The following ANO5 variants were observed in gnomAD, a reference collection of about 807,000 sequenced individuals.
ANO5 encodes anoctamin 5.
A neutral mutation model predicts 121.0 loss-of-function variants in ANO5; 109 were observed. That is an observed-to-expected ratio of 0.90 (90% confidence interval 0.77 to 1.06). The LOEUF (loss-of-function observed/expected upper bound fraction) is 1.06, where lower values mean the gene tolerates loss of function less well. Among genes scored for constraint, ANO5 ranks in the 50% least tolerant of loss-of-function variants. ANO5 has a pLI of 0.00. For missense variants in ANO5, 1,064 were observed against 1,078.5 expected (o/e 0.99, Z 0.19); for synonymous variants, 406 against 359.9 (o/e 1.13, Z -1.45).
chr11:22,247,293 C>A (rs1191350227), intron 9 of ANO5, among the ~76,000 whole-genome samples: 1 of 151,948 alleles, frequency 6.6e-6, no homozygotes, highest in East Asian at 1.9e-4. Flanking sequence ...TCACCAGGAA[C>A]AAAATCCTGA....
rs770803394 is a variant in ANO5, at chr11:22,226,016, A to G, written c.327A>G (p.Arg109=). ...ERRKEFETNL[R]KTGLELEIED... is the part of the protein sequence containing the mutation. ...GAAAAGAGTTTGAAACTAATCTCAG[A>G]AAAACAGGTCTTGAGTTGGAAATAG... Residue 109 remains arginine (R), a synonymous_variant, in exon 6 of 22, where the codon AGA becomes AGG. Transcript: ENST00000324559. 1.2e-5 allele frequency: 20 copies of G among 1,609,008 alleles called. No individual in the cohort carries two copies. The highest frequency in any genetic ancestry group is 1.7e-5 in the Non-Finnish European group (20 of 1,175,866).
chr11:22,250,196 A>G (rs144743605), intron 9 of ANO5, 41 bp from the exon 10 acceptor site: 1 of 1,529,310 alleles, frequency 6.5e-7, no homozygotes, highest in Non-Finnish European at 9.0e-7. Context: ...AGACTATAAC[A>G]TTCTTCCATA....
intron 1 of ANO5, among the ~76,000 whole-genome samples, chr11:22,200,939 T>C (rs772316176): frequency 1.1e-4 from 16 of 152,078 alleles, no homozygotes; most frequent in Admixed American, 1.3e-4. Context: ...TCTCTCAGTA[T>C]CCACAGGCAT....
intron 17 of ANO5, among the ~76,000 whole-genome samples, chr11:22,269,567 G>GAAAGAAAA (rs1223083219): frequency 1.4e-5 from 2 of 142,976 alleles, no homozygotes; most frequent in East Asian, 4.4e-4. Context: ...AAAAGAAAAG[G>GAAAGAAAA]AAAGAAAAAA....
At chr11:22,213,505 A>G (rs1415920999) in intron 3 of ANO5, among the ~76,000 whole-genome samples, 1 of 151,840 alleles carries the variant, frequency 6.6e-6, no homozygotes, top group East Asian at 1.9e-4. Context: ...AAGTGTCGTT[A>G]TCTTCATGTC....
In ANO5 at chr11:22,274,163, T is replaced by TACACACACACAC. The variant is rs34022294; in HGVS notation, c.2236-387_2236-376dup. 3.0e-3 allele frequency among the ~76,000 whole-genome samples: 428 copies of TACACACACACAC among 143,836 alleles called. 1 individual carries two copies. The highest frequency in any genetic ancestry group is 0.011 in the African/African-American group (410 of 38,882). 94.4% of individuals were successfully genotyped at this position (143,836 alleles called of 152,430 possible). On this transcript the variant is annotated intron_variant, in intron 19 of 21. Coordinates refer to ENST00000324559, the MANE Select transcript of ANO5 (RefSeq NM_213599.3). ...CTTCATTCCTTTCCTGTTAATCTCT[T>TACACACACACAC]ACACACACACACACACACACACACA... is the stretch of plus-strand genomic sequence containing the variant.
In ANO5 at chr11:22,279,825, G is replaced by A; in HGVS notation, c.*60G>A. ...TACTTCACTTTATCCTCTGGTTTTA[G>A]GGCCAGACGCCAGAAGCCATGTGTC... On this transcript the variant is annotated 3_prime_UTR_variant, in exon 22 of 22. Coordinates refer to ENST00000324559, the MANE Select transcript of ANO5 (RefSeq NM_213599.3). 1 of 1,415,586 alleles carries A rather than the reference G, an allele frequency of 7.1e-7. No individual in the cohort carries two copies. The highest frequency in any genetic ancestry group is 9.9e-7 in the Non-Finnish European group (1 of 1,011,456). 87.7% of individuals were successfully genotyped at this position (1,415,586 alleles called of 1,614,324 possible).
At chr11:22,231,275 T>C (rs1853032125) in intron 7 of ANO5, among the ~76,000 whole-genome samples, 1 of 152,022 alleles carries the variant, frequency 6.6e-6, no homozygotes, top group African/African-American at 2.4e-5. Context: ...CATTATTTCA[T>C]CACATCATTT....
chr11:22,198,496 C>G (rs1161444701), intron 1 of ANO5, among the ~76,000 whole-genome samples: 1 of 152,130 alleles, frequency 6.6e-6, no homozygotes, highest in Non-Finnish European at 1.5e-5. Context: ...TTTCCACATT[C>G]TCAAATAAAT....
chr11:22,220,102 A>G (rs1055778457), intron 4 of ANO5, among the ~76,000 whole-genome samples: 17 of 151,844 alleles, frequency 1.1e-4, no homozygotes, highest in African/African-American at 4.1e-4. Flanking sequence ...GGCCTGTCTC[A>G]CCTGACTTGG....
At chr11:22,260,081 G>T (rs1057002479) in intron 15 of ANO5, among the ~76,000 whole-genome samples, 1 of 152,036 alleles carries the variant, frequency 6.6e-6, no homozygotes, top group Admixed American at 6.6e-5. Context: ...TTTGTTTCAT[G>T]TGTATGGTTC....
At chr11:22,242,842 A>T (rs1407477355) in intron 9 of ANO5, among the ~76,000 whole-genome samples, 1 of 152,022 alleles carries the variant, frequency 6.6e-6, no homozygotes, top group East Asian at 1.9e-4. Flanking sequence ...TCATTTGGCA[A>T]CAAAGAGAGA....
intron 4 of ANO5, among the ~76,000 whole-genome samples, chr11:22,220,553 T>G (rs1345562659): frequency 6.6e-6 from 1 of 152,030 alleles, no homozygotes; most frequent in African/African-American, 2.4e-5. Context: ...GAAACCTAAC[T>G]TGTGATGCCA....
intron 5 of ANO5, among the ~76,000 whole-genome samples, chr11:22,221,684 A>G (rs965878462): frequency 2.0e-5 from 3 of 151,936 alleles, no homozygotes; most frequent in Admixed American, 2.0e-4. Flanking sequence ...CCAACACTAT[A>G]AATTAAGTTT....
chr11:22,242,935 A>G (rs1219447388), intron 9 of ANO5, among the ~76,000 whole-genome samples: 1 of 151,880 alleles, frequency 6.6e-6, no homozygotes, highest in Non-Finnish European at 1.5e-5. Flanking sequence ...CTTAAGCACT[A>G]TGTTGAATAG....
chr11:22,249,244 A>G (rs1365108627), intron 9 of ANO5, among the ~76,000 whole-genome samples: 5 of 152,106 alleles, frequency 3.3e-5, no homozygotes, highest in African/African-American at 1.2e-4. Context: ...TTAATATTGA[A>G]TATGATAAAT....
Position 22,241,022 on chromosome 11 carries a change from T to A in ANO5, c.878+1338T>A, listed in dbSNP as rs188720123. 5.3e-3 allele frequency among the ~76,000 whole-genome samples: 813 copies of A among 152,084 alleles called. 3 individuals are homozygous for A. Among genetic ancestry groups the A allele is most frequent in the African/African-American group, 0.015 (622 of 41,538 alleles). On this transcript the variant is annotated intron_variant, in intron 9 of 21. Transcript: ENST00000324559. ...AAACATTAGGCTGTCCCAATTTTTTTATATAATTTCAACTTTTTAATTTTA... is the reference window on the plus strand; with the variant it reads ...AAACATTAGGCTGTCCCAATTTTTTAATATAATTTCAACTTTTTAATTTTA...
At chr11:22,204,842 C>CT (rs1852062507) in intron 2 of ANO5, among the ~76,000 whole-genome samples, 1 of 152,122 alleles carries the variant, frequency 6.6e-6, no homozygotes, top group Non-Finnish European at 1.5e-5. Context: ...AATCCCATTA[C>CT]TGGGTATATG....
In ANO5 at chr11:22,193,318, C is replaced by CAAG; in HGVS notation, c.-175_-174insAAG. ...TGTGGCGCCCAGAGACGGTGGAGTC[C>CAAG]GAGGAGGAGGAGAAGGAGGCCTGCA... On this transcript the variant is annotated 5_prime_UTR_variant, in exon 1 of 22. Coordinates refer to ENST00000324559, the MANE Select transcript of ANO5 (RefSeq NM_213599.3). 2 of 325,896 alleles carry CAAG rather than the reference C, an allele frequency of 6.1e-6. No homozygotes were observed. The highest frequency in any genetic ancestry group is 8.3e-6 in the Non-Finnish European group (2 of 240,960). The allele number at this position is 325,896 out of a possible 1,614,324, so 20.2% of individuals were successfully genotyped here. A position where few individuals can be genotyped will look rare whatever the true frequency, so the allele number is the denominator to read the frequency against.
Sources: allele counts gnomAD v4.1 joint callset (sites outside exome capture counted in the v4.1 genomes callset), GRCh38; gene constraint gnomAD v4.1.1; transcripts MANE v1.5; gene names NCBI Gene and HGNC (gene_info 2026-07-23, HGNC 2026-07-21).